The following SPATS2L variants were observed in gnomAD, a reference collection of about 807,000 sequenced individuals.
SPATS2L encodes SPATS2-like protein.
SPATS2L carries 30 observed loss-of-function variants against 59.6 expected under a neutral mutation model. The observed-to-expected ratio is 0.50, with a 90% CI of 0.38 to 0.68. SPATS2L has a LOEUF of 0.68. SPATS2L is among the 30% of genes least tolerant of loss of function. The pLI is 0.00. For missense variants in SPATS2L, 615 were observed against 700.0 expected (o/e 0.88, Z 1.37); for synonymous variants, 252 against 263.5 (o/e 0.96, Z 0.42).
chr2:200,454,389 A>G (rs1309674038), intron 8 of SPATS2L, among the ~76,000 whole-genome samples: 2 of 152,168 alleles, frequency 1.3e-5, no homozygotes, highest in Non-Finnish European at 2.9e-5. Context: ...AAATGAATCA[A>G]TTTTGTCACT....
At chr2:200,461,510 ATGTG>A (rs1489053105) in intron 9 of SPATS2L, among the ~76,000 whole-genome samples, 1 of 152,188 alleles carries the variant, frequency 6.6e-6, no homozygotes, top group Non-Finnish European at 1.5e-5. Flanking sequence ...CCACAAGTGA[ATGTG>A]TGAGGCCCTC....
intron 9 of SPATS2L, among the ~76,000 whole-genome samples, chr2:200,466,345 A>C (rs1387727860): frequency 6.6e-6 from 1 of 152,260 alleles, no homozygotes; most frequent in South Asian, 2.1e-4. Flanking sequence ...AAATGAAGGC[A>C]ATTCATATGA....
At chr2:200,400,828 A>G (rs2082502380) in intron 3 of SPATS2L, among the ~76,000 whole-genome samples, 1 of 152,172 alleles carries the variant, frequency 6.6e-6, no homozygotes, top group South Asian at 2.1e-4. Context: ...CTTTTTTTCC[A>G]AATGTTCAGT....
At position 200,379,932 on chromosome 2, in the gene SPATS2L, C is replaced by T. The variant is rs547942443; in HGVS notation, c.-22-9291C>T. Among the ~76,000 whole-genome samples, 9 of 152,178 alleles carry T rather than the reference C, an allele frequency of 5.9e-5. No homozygotes were observed. In the South Asian group the frequency reaches 8.3e-4, roughly 14 times the overall value. On this transcript the variant is annotated intron_variant, in intron 2 of 12. Coordinates refer to ENST00000409140, the MANE Select transcript of SPATS2L (RefSeq NM_001100423.2). Reference sequence around the variant, plus strand: ...TACAAGTGGGTACTTGCACCAGGTCCGGGTCACCCACATCTCTATGGAAAC... The same window carrying T: ...TACAAGTGGGTACTTGCACCAGGTCTGGGTCACCCACATCTCTATGGAAAC...
chr2:200,441,085 G>T (rs2084665812), intron 8 of SPATS2L, among the ~76,000 whole-genome samples: 1 of 152,076 alleles, frequency 6.6e-6, no homozygotes, highest in East Asian at 1.9e-4. Context: ...TAGTATTTTT[G>T]ACAAATCCCT....
chr2:200,424,769 G>A (rs1437870037), intron 6 of SPATS2L, among the ~76,000 whole-genome samples: 1 of 152,128 alleles, frequency 6.6e-6, no homozygotes, highest in Non-Finnish European at 1.5e-5. Context: ...AGGACTGTGG[G>A]CCATCAGCAG....
intron 5 of SPATS2L, 131 bp from the exon 6 acceptor site, chr2:200,419,119 A>G (rs1559114273): frequency 9.8e-6 from 8 of 817,366 alleles, no homozygotes; most frequent in Middle Eastern, 3.8e-4. Flanking sequence ...AGATGTAAAT[A>G]TTCTTCATCC....
At chr2:200,344,539 C>A (rs557675202) in intron 2 of SPATS2L, among the ~76,000 whole-genome samples, 6 of 152,198 alleles carry the variant, frequency 3.9e-5, no homozygotes, top group African/African-American at 1.4e-4. Flanking sequence ...CATTTGTGTG[C>A]ATGTGTCTTT....
At chr2:200,389,412 A>G (rs1449228806) in intron 3 of SPATS2L, 129 bp downstream of exon 3, 5 of 615,586 alleles carry the variant, frequency 8.1e-6, no homozygotes, top group Non-Finnish European at 1.4e-5. Context: ...GTTTGCCACA[A>G]CAGTAAACTG....
At chr2:200,418,451 G>T (rs2106007445) in intron 5 of SPATS2L, among the ~76,000 whole-genome samples, 1 of 152,226 alleles carries the variant, frequency 6.6e-6, no homozygotes, top group Non-Finnish European at 1.5e-5. Flanking sequence ...GTGCATGCCT[G>T]TAGTAACAGC....
chr2:200,329,605 G>C, intron 2 of SPATS2L, 125 bp downstream of exon 2: 1 of 767,236 alleles, frequency 1.3e-6, no homozygotes, highest in Non-Finnish European at 2.2e-6. Flanking sequence ...TGCCTCTCAG[G>C]GCTCAACACC....
chr2:200,385,223 C>T (rs2081953033), intron 2 of SPATS2L, among the ~76,000 whole-genome samples: 1 of 152,218 alleles, frequency 6.6e-6, no homozygotes, highest in Non-Finnish European at 1.5e-5. Context: ...ATCTGTTACT[C>T]ACTGTAGGTC....
chr2:200,467,999 G>C (rs1402579670), intron 10 of SPATS2L, among the ~76,000 whole-genome samples: 3 of 152,128 alleles, frequency 2.0e-5, no homozygotes, highest in Non-Finnish European at 2.9e-5. Flanking sequence ...AGCCCTGTCT[G>C]AAGGCTCAGC....
At chr2:200,339,257 T>A (rs1037242392) in intron 2 of SPATS2L, among the ~76,000 whole-genome samples, 34 of 152,208 alleles carry the variant, frequency 2.2e-4, no homozygotes, top group Non-Finnish European at 1.5e-4. Flanking sequence ...TCTTTTTTTT[T>A]ATGCTTCTTT....
chr2:200,376,085 A>G (rs1275502271), intron 2 of SPATS2L, among the ~76,000 whole-genome samples: 1 of 152,230 alleles, frequency 6.6e-6, no homozygotes, highest in Admixed American at 6.5e-5. Context: ...TTCATTGAAC[A>G]CTTAGCTTGT....
At chr2:200,387,373 A>C (rs966044336) in intron 2 of SPATS2L, among the ~76,000 whole-genome samples, 1 of 152,220 alleles carries the variant, frequency 6.6e-6, no homozygotes, top group Non-Finnish European at 1.5e-5. Flanking sequence ...ACTGGAAGCA[A>C]GTATGCAGGG....
intron 6 of SPATS2L, among the ~76,000 whole-genome samples, chr2:200,430,985 T>G (rs2083892753): frequency 6.6e-6 from 1 of 152,168 alleles, no homozygotes; most frequent in Non-Finnish European, 1.5e-5. Flanking sequence ...CCCAAAGTGC[T>G]GGGATTACAG....
At chr2:200,405,734 A>G (rs1468780345) in intron 3 of SPATS2L, among the ~76,000 whole-genome samples, 2 of 152,206 alleles carry the variant, frequency 1.3e-5, no homozygotes, top group Non-Finnish European at 2.9e-5. Flanking sequence ...TCAAAGTTGC[A>G]GGAACGGCAA....
intron 4 of SPATS2L, among the ~76,000 whole-genome samples, chr2:200,414,943 A>G (rs1278442326): frequency 1.3e-5 from 2 of 152,224 alleles, no homozygotes; most frequent in African/African-American, 4.8e-5. Flanking sequence ...CCACTTTCTG[A>G]TTAAAATGAA....
Sources: gnomAD v4.1 joint callset for allele counts (sites outside exome capture counted in the v4.1 genomes callset) on GRCh38, gnomAD v4.1.1 for gene constraint, MANE v1.5 for transcripts, NCBI Gene and HGNC (gene_info 2026-07-23, HGNC 2026-07-21) for gene names.